The following STK35 variants were observed in gnomAD, a reference collection of about 807,000 sequenced individuals.
STK35 encodes serine/threonine kinase 35, also known as serine/threonine-protein kinase 35.
Under a neutral mutation model 37.3 loss-of-function variants are expected in STK35, and 17 were observed. The observed-to-expected ratio is 0.46, with a 90% CI of 0.31 to 0.68. The LOEUF is 0.68. Among genes scored for constraint, STK35 ranks in the 30% least tolerant of loss-of-function variants. The pLI is 0.05. For synonymous variants in STK35, 385 were observed against 319.1 expected (o/e 1.21, Z -2.20); for missense variants, 595 against 746.7 (o/e 0.80, Z 2.37).
chr20:2,135,861 C>T (rs982542528), intron 3 of STK35, among the ~76,000 whole-genome samples: 1 of 152,164 alleles, frequency 6.6e-6, no homozygotes, highest in African/African-American at 2.4e-5. Flanking sequence ...ATTAGCTGGG[C>T]ACAGTGGCAT....
At chr20:2,122,165 C>T (rs912493223) in intron 3 of STK35, among the ~76,000 whole-genome samples, 1 of 152,156 alleles carries the variant, frequency 6.6e-6, no homozygotes, top group Admixed American at 6.5e-5. Context: ...GAAACCTGGT[C>T]TCTACTAAAA....
chr20:2,102,995 T>C lies in STK35; in HGVS notation c.522T>C (p.Asp174=), dbSNP rs1258357700. The change falls in exon 2 of 4, where the codon GAT becomes GAC. Residue 174 remains aspartate, a synonymous_variant. Transcript: ENST00000381482. ...CGGCGGCGGCGGCCCGGGCCATGGA[T>C]CCGGTGGCGGCCGAGGCCCCGGGCG... ...LRPAAAARAM[D]PVAAEAPGEA... 6 of 1,421,264 alleles carry C rather than the reference T, an allele frequency of 4.2e-6. No individual in the cohort carries two copies. The highest frequency in any genetic ancestry group is 5.5e-6 in the Non-Finnish European group (6 of 1,097,236). 88.0% of individuals were successfully genotyped at this position (1,421,264 alleles called of 1,614,324 possible).
intron 3 of STK35, among the ~76,000 whole-genome samples, chr20:2,137,571 G>T (rs185886257): frequency 5.3e-5 from 8 of 152,108 alleles, no homozygotes; most frequent in Non-Finnish European, 1.2e-4. Context: ...CATTTTGCCC[G>T]TTCTGTATAC....
rs1309522874 is a variant in STK35, at chr20:2,144,422, G to A, written c.*676G>A. The A allele has an allele frequency of 6.3e-6, 1 of 159,398 alleles. No individual in the cohort carries two copies. The highest frequency in any genetic ancestry group is 1.4e-5 in the Non-Finnish European group (1 of 72,102). The allele number at this position is 159,398 out of a possible 1,614,324, so 9.9% of individuals were successfully genotyped here. On this transcript the variant is annotated 3_prime_UTR_variant, in exon 4 of 4. Coordinates refer to ENST00000381482, the MANE Select transcript of STK35 (RefSeq NM_080836.4). ...GGGTTTGGCCAGGAGAACTAAGAAGGTCTCAACTCCAGGCTTTGTTGTGTT... is the reference window on the plus strand; with the variant it reads ...GGGTTTGGCCAGGAGAACTAAGAAGATCTCAACTCCAGGCTTTGTTGTGTT...
intron 3 of STK35, among the ~76,000 whole-genome samples, chr20:2,140,420 C>T (rs1306396340): frequency 6.6e-6 from 1 of 152,222 alleles, no homozygotes; most frequent in East Asian, 1.9e-4. Context: ...ATTGTGCCCA[C>T]AAGTACCTGG....
rs920932980 is a variant in STK35 at position 2,137,702 on chromosome 20, G to A, written c.*38-6082G>A. The stretch of plus-strand genomic sequence containing the variant: ...GCCCTACTTTAAGCACCACAGTTGG[G>A]AGTGCAGCCTTAGAGGAATGATGCA... On this transcript the variant is annotated intron_variant, in intron 3 of 3. Transcript: ENST00000381482. Among the ~76,000 whole-genome samples, 8 of 152,156 alleles carry A rather than the reference G, an allele frequency of 5.3e-5. No homozygotes were observed. In the South Asian group the frequency reaches 6.2e-4, roughly 12 times the overall value.
chr20:2,131,441 C>T (rs573989531), intron 3 of STK35, among the ~76,000 whole-genome samples: 60 of 152,128 alleles, frequency 3.9e-4, no homozygotes, highest in Non-Finnish European at 7.2e-4. Context: ...GAGGGAGACC[C>T]CCATCTCTAC....
At chr20:2,130,582 CTCTT>C (rs1183916373) in intron 3 of STK35, among the ~76,000 whole-genome samples, 4 of 152,058 alleles carry the variant, frequency 2.6e-5, no homozygotes, top group African/African-American at 7.2e-5. Flanking sequence ...ATCTCGCTCT[CTCTT>C]TATTTATTTA....
chr20:2,145,072 A>G lies in STK35; in HGVS notation c.*1326A>G, dbSNP rs1986237873. 1.3e-5 allele frequency: 2 copies of G among 152,400 alleles called. 1 individual carries two copies. Among genetic ancestry groups the G allele is most frequent in the South Asian group, 4.1e-4 (2 of 4,834 alleles). The allele number at this position is 152,400 out of a possible 1,614,324, so 9.4% of individuals were successfully genotyped here. On this transcript the variant is annotated 3_prime_UTR_variant, in exon 4 of 4. Coordinates refer to ENST00000381482, the MANE Select transcript of STK35 (RefSeq NM_080836.4). The stretch of plus-strand genomic sequence containing the variant: ...TCGCCACCTTCAGGCTTCCCCAGCC[A>G]TGACACTTCAGCCCCGCCACCCATG...
chr20:2,117,906 GAGTACACGTTGGAA>G lies in STK35; in HGVS notation c.*37+495_*37+508del, dbSNP rs1172668906. The stretch of plus-strand genomic sequence containing the variant: ...TGATGGGAGAAACGTGCAATTATCT[GAGTACACGTTGGAA>G]AGTCTAGAGAAGTCTTCTCAGAGGA... On this transcript the variant is annotated intron_variant, in intron 3 of 3. Coordinates refer to ENST00000381482, the MANE Select transcript of STK35 (RefSeq NM_080836.4). The surrounding 1 kb of genome is among the most constrained non-coding windows in gnomAD (Gnocchi z 4.4). Among the ~76,000 whole-genome samples, 2 of 152,214 alleles carry G rather than the reference GAGTACACGTTGGAA, an allele frequency of 1.3e-5. No homozygotes were observed. The highest frequency in any genetic ancestry group is 4.8e-5 in the African/African-American group (2 of 41,448).
chr20:2,111,465 G>T (rs1231529918), intron 2 of STK35, among the ~76,000 whole-genome samples: 2 of 152,164 alleles, frequency 1.3e-5, no homozygotes, highest in African/African-American at 4.8e-5. Flanking sequence ...AGGAGGCTGA[G>T]GTGGAAGGAT....
intron 2 of STK35, among the ~76,000 whole-genome samples, chr20:2,115,968 G>A (rs565376016): frequency 6.0e-5 from 9 of 149,826 alleles, no homozygotes; most frequent in African/African-American, 2.0e-4. Context: ...TCCTGCCTCC[G>A]CTTCACTGTT....
chr20:2,142,152 C>T (rs376266184), intron 3 of STK35, among the ~76,000 whole-genome samples: 43 of 152,266 alleles, frequency 2.8e-4, no homozygotes, highest in East Asian at 1.9e-3. Context: ...AGATTTAACA[C>T]GTTTATAGTC....
chr20:2,144,803 C>T lies in STK35; in HGVS notation c.*1057C>T, dbSNP rs1035487538. On this transcript the variant is annotated 3_prime_UTR_variant, in exon 4 of 4. Transcript: ENST00000381482. The stretch of plus-strand genomic sequence containing the variant: ...TGACTTTGCCATGATAACAGGGTGT[C>T]CTGAACTGGCTGCCGTTGTCGTGTT... The T allele has an allele frequency of 3.9e-5, 6 of 152,980 alleles. No individual in the cohort carries two copies. Among genetic ancestry groups the T allele is most frequent in the African/African-American group, 1.2e-4 (5 of 41,464 alleles). The allele number at this position is 152,980 out of a possible 1,614,324, so 9.5% of individuals were successfully genotyped here. A position where few individuals can be genotyped will look rare whatever the true frequency, so the allele number is the denominator to read the frequency against.
chr20:2,119,166 C>T lies in STK35; in HGVS notation c.*37+1751C>T, dbSNP rs907411542. ...CAATGAAGGTATTTTTGTAATGAGT[C>T]ACTAGGTCTAATTCTTCAAATCATA... On this transcript the variant is annotated intron_variant, in intron 3 of 3. Coordinates refer to ENST00000381482, the MANE Select transcript of STK35 (RefSeq NM_080836.4). Among the ~76,000 whole-genome samples, 5 of 152,288 alleles carry T rather than the reference C, an allele frequency of 3.3e-5. No homozygotes were observed. The East Asian group carries it at 9.6e-4, about 29-fold the overall frequency.
chr20:2,134,773 C>A (rs182979201), intron 3 of STK35, among the ~76,000 whole-genome samples: 14 of 152,250 alleles, frequency 9.2e-5, no homozygotes, highest in African/African-American at 3.4e-4. Context: ...CGCCTGTAAT[C>A]CCAGCTACTC....
intron 2 of STK35, among the ~76,000 whole-genome samples, chr20:2,113,019 G>A (rs1985649273): frequency 6.6e-6 from 1 of 152,172 alleles, no homozygotes; most frequent in African/African-American, 2.4e-5. Context: ...ACTGTGAGAT[G>A]GGCCTGAGCT....
intron 2 of STK35, among the ~76,000 whole-genome samples, chr20:2,106,018 G>A (rs1360311175): frequency 6.6e-6 from 1 of 152,218 alleles, no homozygotes; most frequent in East Asian, 1.9e-4. Context: ...GAGCAGTGAA[G>A]AAAATATGTG....
rs374735151 is a variant in STK35 at position 2,115,467 on chromosome 20, G to A, written c.893-1199G>A. ...CTGGCTCAGTTACAAATGACCTTGT[G>A]ACCACCCAGAACAAGCCAGCACATT... On this transcript the variant is annotated intron_variant, in intron 2 of 3. Coordinates refer to ENST00000381482, the MANE Select transcript of STK35 (RefSeq NM_080836.4). 1.4e-3 allele frequency among the ~76,000 whole-genome samples: 214 copies of A among 152,180 alleles called. 4 individuals are homozygous for A. The South Asian group carries it at 0.038, about 27-fold the overall frequency.
Sources: gnomAD v4.1 joint callset for allele counts (sites outside exome capture counted in the v4.1 genomes callset) on GRCh38, gnomAD v4.1.1 for gene constraint, Gnocchi (gnomAD v3.1) non-coding constraint, MANE v1.5 for transcripts, NCBI Gene and HGNC (gene_info 2026-07-23, HGNC 2026-07-21) for gene names.